The following ANKH variants were observed in gnomAD, a reference collection of about 807,000 sequenced individuals.
ANKH encodes the protein mineralization regulator ANKH.
Under a neutral mutation model 49.0 loss-of-function variants are expected in ANKH, and 15 were observed. The ratio of observed to expected loss-of-function variants is 0.31; its 90% confidence interval spans 0.20 to 0.47. The LOEUF is 0.47. ANKH is among the 20% of genes least tolerant of loss of function. ANKH has a pLI of 1.00. For missense variants in ANKH, 429 were observed against 652.0 expected, an observed-to-expected ratio of 0.66 and a Z score of 3.72; for synonymous variants, 273 against 260.0, an observed-to-expected ratio of 1.05 and a Z score of -0.48.
chr5:14,777,930 G>A (rs1455363769), intron 1 of ANKH, among the ~76,000 whole-genome samples: 1 of 152,212 alleles, frequency 6.6e-6, no homozygotes, highest in Non-Finnish European at 1.5e-5. Context: ...GGAGGAGAAT[G>A]TCCCTTTCCA....
intron 1 of ANKH, among the ~76,000 whole-genome samples, chr5:14,776,551 G>A (rs768077908): frequency 1.6e-4 from 25 of 152,190 alleles, no homozygotes; most frequent in Non-Finnish European, 2.9e-4. Context: ...TCATGCCAGC[G>A]TTGTGACAGT....
intron 1 of ANKH, among the ~76,000 whole-genome samples, chr5:14,829,489 T>A (rs1447688714): frequency 6.6e-6 from 1 of 152,140 alleles, no homozygotes; most frequent in African/African-American, 2.4e-5. Context: ...TTCTGAGATA[T>A]GAAAGAAAAA....
At chr5:14,816,574 G>A (rs145453397) in intron 1 of ANKH, among the ~76,000 whole-genome samples, 248 of 152,184 alleles carry the variant, frequency 1.6e-3, no homozygotes, top group African/African-American at 5.7e-3. Flanking sequence ...TAAAAGCCTC[G>A]GAGATGACTC....
At position 14,711,652 on chromosome 5, in the gene ANKH, TTCC is replaced by T. The variant is rs547476126; in HGVS notation, c.1366-345_1366-343del. 5.9e-5 allele frequency among the ~76,000 whole-genome samples: 9 copies of T among 152,320 alleles called. No individual in the cohort carries two copies. The East Asian group carries it at 1.5e-3, about 26-fold the overall frequency. ...ACAGTCACCTGTAGACTGCTTCTCC[TTCC>T]TCCTCCCTAAAGCCTCAAGCTTGGA... On this transcript the variant is annotated intron_variant, in intron 11 of 11. Transcript: ENST00000284268.
chr5:14,774,143 G>C (rs189779594), intron 1 of ANKH, among the ~76,000 whole-genome samples: 2 of 152,142 alleles, frequency 1.3e-5, no homozygotes, highest in African/African-American at 4.8e-5. Context: ...TGTGTTCACT[G>C]CTTAGTTCCA....
intron 1 of ANKH, among the ~76,000 whole-genome samples, chr5:14,799,782 G>A (rs1740514416): frequency 6.6e-6 from 1 of 152,152 alleles, no homozygotes; most frequent in African/African-American, 2.4e-5. Flanking sequence ...AGAGGTACGA[G>A]GAGATTTATG....
chr5:14,749,333 T>C (rs1169735230), intron 5 of ANKH, 27 bp from the exon 6 acceptor site: 8 of 1,613,754 alleles, frequency 5.0e-6, no homozygotes, highest in Admixed American at 1.7e-5. Context: ...AGATAAAAGT[T>C]ACCTGAACTC....
In ANKH at chr5:14,711,023, G is replaced by T; in HGVS notation, c.*174C>A. The T allele has an allele frequency of 1.5e-6, 1 of 675,060 alleles. No homozygotes were observed. Among genetic ancestry groups the T allele is most frequent in the Admixed American group, 2.1e-5 (1 of 47,336 alleles). The allele number at this position is 675,060 out of a possible 1,614,324, so 41.8% of individuals were successfully genotyped here. ...GACCATTCACTAGGTCCCCCCGTCA[G>T]TGTGAGCATACCCAGTATGCTAGAG... On this transcript the variant is annotated 3_prime_UTR_variant, in exon 12 of 12. Transcript: ENST00000284268.
chr5:14,793,031 T>TAA (rs1561057830), intron 1 of ANKH, among the ~76,000 whole-genome samples: 15 of 75,034 alleles, frequency 2.0e-4, no homozygotes, highest in African/African-American at 3.4e-4. Context: ...AATATATATA[T>TAA]ATAAAAATAT....
chr5:14,838,413 A>T (rs1043136221), intron 1 of ANKH, among the ~76,000 whole-genome samples: 4 of 150,482 alleles, frequency 2.7e-5, no homozygotes, highest in Non-Finnish European at 3.0e-5. Context: ...TATATATATT[A>T]AAAAAGTATA....
chr5:14,728,830 A>T (rs1190041057), intron 8 of ANKH, among the ~76,000 whole-genome samples: 1 of 152,180 alleles, frequency 6.6e-6, no homozygotes, highest in Non-Finnish European at 1.5e-5. Flanking sequence ...CTCAGAACTG[A>T]CACGCCTTAC....
chr5:14,869,097 G>C (rs1314440603), intron 1 of ANKH: 1 of 152,184 alleles, frequency 6.6e-6, no homozygotes, highest in Admixed American at 6.5e-5. Flanking sequence ...CTCAAGGGCT[G>C]CATATTTTCA....
At chr5:14,793,047 T>TATATATAA (rs1209292505) in intron 1 of ANKH, among the ~76,000 whole-genome samples, 3,860 of 59,740 alleles carry the variant, frequency 0.065, 95 homozygotes, top group East Asian at 0.11. Flanking sequence ...AATATATATA[T>TATATATAA]AAATATATAT....
intron 8 of ANKH, among the ~76,000 whole-genome samples, chr5:14,735,744 C>T (rs1394346241): frequency 1.3e-5 from 2 of 152,146 alleles, no homozygotes; most frequent in African/African-American, 4.8e-5. Context: ...CAAATTTCTT[C>T]CTCTAAAAAG....
Position 14,726,390 on chromosome 5 carries a change from A to G in ANKH, c.1012-9555T>C, listed in dbSNP as rs1328111128. 2.0e-5 allele frequency among the ~76,000 whole-genome samples: 3 copies of G among 152,324 alleles called. No homozygotes were observed. The East Asian group carries it at 5.8e-4, about 29-fold the overall frequency. ...TTTCACTCGGAGGGATGTGAGAGCC[A>G]TGGCAGGTTGTGGGTGGAGGAGAGG... On this transcript the variant is annotated intron_variant, in intron 8 of 11. Coordinates refer to ENST00000284268, the MANE Select transcript of ANKH (RefSeq NM_054027.6).
intron 1 of ANKH, among the ~76,000 whole-genome samples, chr5:14,799,296 C>G (rs1050327512): frequency 3.9e-5 from 6 of 152,188 alleles, no homozygotes; most frequent in Admixed American, 6.5e-5. Context: ...TACAAAAGTA[C>G]AAGGTAAAGC....
intron 1 of ANKH, among the ~76,000 whole-genome samples, chr5:14,826,680 C>T (rs936718667): frequency 2.6e-5 from 4 of 152,134 alleles, no homozygotes; most frequent in African/African-American, 9.7e-5. Context: ...AGCTGAATTT[C>T]GGCATGAACA....
intron 8 of ANKH, among the ~76,000 whole-genome samples, chr5:14,735,228 T>C (rs140059839): frequency 0.01 from 1,548 of 152,242 alleles, 28 homozygotes; most frequent in African/African-American, 0.036. Context: ...CCCATAAATA[T>C]GTACACCTAC....
intron 1 of ANKH, among the ~76,000 whole-genome samples, chr5:14,836,391 G>C: frequency 6.6e-6 from 1 of 152,144 alleles, no homozygotes; most frequent in Non-Finnish European, 1.5e-5. Flanking sequence ...CCCCAAATCT[G>C]CTTAAGCTGA....
Sources: gnomAD v4.1 joint callset for allele counts (sites outside exome capture counted in the v4.1 genomes callset) on GRCh38, gnomAD v4.1.1 for gene constraint, MANE v1.5 for transcripts, NCBI Gene and HGNC (gene_info 2026-07-23, HGNC 2026-07-21) for gene names.